KIF26B: variants seen among roughly 807,000 people sequenced by gnomAD.
KIF26B encodes kinesin family member 26B.
A neutral mutation model predicts 151.2 loss-of-function variants in KIF26B; 63 were observed. The ratio of observed to expected loss-of-function variants is 0.42; its 90% CI spans 0.34 to 0.51. The LOEUF (loss-of-function observed/expected upper bound fraction) is 0.51, where lower values mean the gene tolerates loss of function less well. KIF26B is among the 20% of genes least tolerant of loss of function. The pLI is 0.07. For missense variants in KIF26B, 2,813 were observed against 2,913.6 expected, an observed-to-expected ratio of 0.97 and a Z score of 0.79; for synonymous variants, 1,357 against 1,262.1, an observed-to-expected ratio of 1.08 and a Z score of -1.59.
At chr1:245,284,583 G>T (rs1671132398) in intron 2 of KIF26B, among the ~76,000 whole-genome samples, 1 of 152,194 alleles carries the variant, frequency 6.6e-6, no homozygotes, top group African/African-American at 2.4e-5. Context: ...AACCCACTGA[G>T]TGTGTTGACC....
intron 9 of KIF26B, 148 bp from the exon 10 acceptor site, chr1:245,645,970 GATT>G: frequency 1.3e-6 from 1 of 747,438 alleles, no homozygotes; most frequent in Admixed American, 2.9e-5. Flanking sequence ...ACCCCAGCGT[GATT>G]TTTCTGGGGT....
chr1:245,242,874 A>T (rs957332611), intron 2 of KIF26B, among the ~76,000 whole-genome samples: 10 of 151,852 alleles, frequency 6.6e-5, no homozygotes, highest in East Asian at 1.9e-4. Context: ...CTGGTCTCGA[A>T]CTCCTGACAT....
chr1:245,446,404 G>C (rs1659251795), intron 4 of KIF26B, among the ~76,000 whole-genome samples: 1 of 152,192 alleles, frequency 6.6e-6, no homozygotes, highest in Non-Finnish European at 1.5e-5. Flanking sequence ...ATTTCATATA[G>C]TGTCAGTCAA....
chr1:245,404,531 T>C (rs953006505), intron 3 of KIF26B, among the ~76,000 whole-genome samples: 3 of 152,142 alleles, frequency 2.0e-5, no homozygotes, highest in Non-Finnish European at 4.4e-5. Context: ...GCCTGACCCA[T>C]ATTATAAAGT....
In KIF26B at chr1:245,331,210, G is replaced by A. The variant is rs149196393; in HGVS notation, c.466-35624G>A. Among the ~76,000 whole-genome samples, 8 of 152,180 alleles carry A rather than the reference G, an allele frequency of 5.3e-5. No homozygotes were observed. The East Asian group carries it at 1.5e-3, about 29-fold the overall frequency. ...CGCGCGAGTGACCGAGACATGGATC[G>A]CGCTCTTGCCGGAGGAGGGTGCACG... is the stretch of plus-strand genomic sequence containing the variant. On this transcript the variant is annotated intron_variant, in intron 2 of 14. Transcript: ENST00000407071.
chr1:245,494,313 AC>A (rs1660467747), intron 4 of KIF26B, among the ~76,000 whole-genome samples: 2 of 151,600 alleles, frequency 1.3e-5, no homozygotes, highest in Admixed American at 6.6e-5. Flanking sequence ...TCTCAAACAA[AC>A]AAACAAACAA....
intron 2 of KIF26B, among the ~76,000 whole-genome samples, chr1:245,314,956 G>GGCCA: frequency 1.3e-5 from 2 of 152,122 alleles, no homozygotes; most frequent in Non-Finnish European, 2.9e-5. Flanking sequence ...CGAGGCGGGT[G>GGCCA]GATCACCTGA....
chr1:245,434,601 G>C (rs1658859202), intron 4 of KIF26B, among the ~76,000 whole-genome samples: 1 of 152,188 alleles, frequency 6.6e-6, no homozygotes, highest in South Asian at 2.1e-4. Context: ...TCTGCCCGAG[G>C]GTTTCCTCTG....
chr1:245,496,281 G>T (rs983177613), intron 4 of KIF26B, among the ~76,000 whole-genome samples: 1 of 152,078 alleles, frequency 6.6e-6, no homozygotes, highest in South Asian at 2.1e-4. Flanking sequence ...TGGATGAGGG[G>T]CATATGGGCC....
intron 4 of KIF26B, among the ~76,000 whole-genome samples, chr1:245,436,133 C>A (rs537993357): frequency 6.6e-6 from 1 of 150,700 alleles, no homozygotes; most frequent in Non-Finnish European, 1.5e-5. Context: ...GCTGAGATTG[C>A]GTCACTGCAC....
At chr1:245,219,879 C>T (rs1237156771) in intron 2 of KIF26B, among the ~76,000 whole-genome samples, 2 of 152,218 alleles carry the variant, frequency 1.3e-5, no homozygotes, top group East Asian at 1.9e-4. Context: ...GCACTGACTC[C>T]CACCCAGGCC....
At chr1:245,504,338 C>T (rs1476375160) in intron 4 of KIF26B, among the ~76,000 whole-genome samples, 1 of 141,126 alleles carries the variant, frequency 7.1e-6, no homozygotes, top group Non-Finnish European at 1.6e-5. Flanking sequence ...TTCCTTCCCT[C>T]CTTCCCTCCC....
chr1:245,690,048 G>A (rs1488131288), intron 12 of KIF26B, among the ~76,000 whole-genome samples: 1 of 152,044 alleles, frequency 6.6e-6, no homozygotes, highest in Non-Finnish European at 1.5e-5. Context: ...ATGAAAGGAT[G>A]GTAAGGAGAG....
At chr1:245,510,055 G>A (rs1483961370) in intron 4 of KIF26B, among the ~76,000 whole-genome samples, 1 of 152,162 alleles carries the variant, frequency 6.6e-6, no homozygotes, top group Non-Finnish European at 1.5e-5. Flanking sequence ...GGCATGCGAA[G>A]TTGACAGTCA....
intron 3 of KIF26B, among the ~76,000 whole-genome samples, chr1:245,386,538 TG>T (rs1673550188): frequency 6.6e-6 from 1 of 151,840 alleles, no homozygotes; most frequent in Non-Finnish European, 1.5e-5. Flanking sequence ...AGCTAGACAT[TG>T]ACCACCCACC....
At chr1:245,486,435 T>A (rs897676918) in intron 4 of KIF26B, among the ~76,000 whole-genome samples, 2 of 152,168 alleles carry the variant, frequency 1.3e-5, no homozygotes, top group Non-Finnish European at 2.9e-5. Context: ...TAGTGCTATA[T>A]AAATGGTTTC....
chr1:245,173,963 G>A (rs934791794), intron 2 of KIF26B, among the ~76,000 whole-genome samples: 6 of 152,166 alleles, frequency 3.9e-5, no homozygotes, highest in Admixed American at 2.0e-4. Flanking sequence ...AGTTTTACAC[G>A]GGCAGGGCAG....
rs1172397969 is a variant in KIF26B, at chr1:245,374,059, CAAAAAAAAAAAAAAAAA to C, written c.999+6712_999+6728del. On this transcript the variant is annotated intron_variant, in intron 3 of 14. Transcript: ENST00000407071. ...GTGACAGAGACCCGAGAACCTATCT[CAAAAAAAAAAAAAAAAA>C]AAAAAAAAAAAAAAAAAAATATATA... Among the ~76,000 whole-genome samples, 58 of 17,486 alleles carry C rather than the reference CAAAAAAAAAAAAAAAAA, an allele frequency of 3.3e-3. 4 individuals are homozygous for C. Among genetic ancestry groups the C allele is most frequent in the South Asian group, 0.016 (4 of 246 alleles). 11.5% of individuals were successfully genotyped at this position (17,486 alleles called of 152,430 possible).
At chr1:245,505,376 A>G (rs1043473374) in intron 4 of KIF26B, among the ~76,000 whole-genome samples, 2 of 150,912 alleles carry the variant, frequency 1.3e-5, no homozygotes, top group African/African-American at 4.9e-5. Flanking sequence ...GATGTAAAGA[A>G]TTTATTTATT....
Sources: gnomAD v4.1 joint callset for allele counts (sites outside exome capture counted in the v4.1 genomes callset) on GRCh38, gnomAD v4.1.1 for gene constraint, MANE v1.5 for transcripts, NCBI Gene and HGNC (gene_info 2026-07-23, HGNC 2026-07-21) for gene names.